RIN2: variants seen among roughly 807,000 people sequenced by gnomAD.
RIN2 encodes the protein Ras and Rab interactor 2.
A neutral mutation model predicts 78.0 loss-of-function variants in RIN2; 36 were observed. The ratio of observed to expected loss-of-function variants is 0.46; its 90% CI spans 0.35 to 0.61. The LOEUF is 0.61. RIN2 is among the 20% of genes least tolerant of loss of function. The pLI, the probability that RIN2 is intolerant of heterozygous loss-of-function variation, is 0.00. For synonymous variants in RIN2, 466 were observed against 466.8 expected (o/e 1.00, Z 0.02); for missense variants, 1,087 against 1,159.7 (o/e 0.94, Z 0.91).
chr20:19,806,217 A>G (rs1179336297), intron 2 of RIN2, among the ~76,000 whole-genome samples: 1 of 152,184 alleles, frequency 6.6e-6, no homozygotes, highest in Non-Finnish European at 1.5e-5. Flanking sequence ...ATGATTTCTA[A>G]TCCTTTGGGT....
intron 3 of RIN2, among the ~76,000 whole-genome samples, chr20:19,926,805 A>G (rs547340140): frequency 3.5e-4 from 53 of 152,354 alleles, no homozygotes; most frequent in African/African-American, 1.1e-3. Flanking sequence ...CACTGATAAC[A>G]TTCCTGAATG....
At chr20:19,976,627 T>G (rs187360692) in intron 9 of RIN2, among the ~76,000 whole-genome samples, 18 of 152,254 alleles carry the variant, frequency 1.2e-4, no homozygotes, top group Non-Finnish European at 2.4e-4. Context: ...TGTTGAAGGT[T>G]CTTTGTTTGT....
intron 1 of RIN2, among the ~76,000 whole-genome samples, chr20:19,761,737 A>C (rs575875506): frequency 6.6e-6 from 1 of 152,332 alleles, no homozygotes; most frequent in African/African-American, 2.4e-5. Flanking sequence ...CTGTGTATCC[A>C]ATTAACTCAA....
At chr20:19,994,333 A>G (rs943087843) in intron 11 of RIN2, among the ~76,000 whole-genome samples, 2 of 152,138 alleles carry the variant, frequency 1.3e-5, no homozygotes, top group Non-Finnish European at 2.9e-5. Flanking sequence ...AAAAATACAG[A>G]TTGGACTTTT....
chr20:19,823,979 A>C, intron 2 of RIN2: 1 of 1,307,562 alleles, frequency 7.6e-7, no homozygotes, highest in Non-Finnish European at 1.1e-6. Context: ...ACCCGGATTC[A>C]GGACGACCGA....
chr20:19,985,289 G>A (rs2042588003), intron 9 of RIN2, among the ~76,000 whole-genome samples: 1 of 152,156 alleles, frequency 6.6e-6, no homozygotes, highest in Non-Finnish European at 1.5e-5. Context: ...ATCAATTCTT[G>A]GAGAAGTAAT....
At chr20:19,933,035 T>C (rs543451402) in intron 3 of RIN2, among the ~76,000 whole-genome samples, 1 of 152,004 alleles carries the variant, frequency 6.6e-6, no homozygotes, top group East Asian at 1.9e-4. Context: ...GTTCCTAAAT[T>C]CCCCCGTTCT....
chr20:19,914,676 G>T (rs965989433), intron 3 of RIN2, among the ~76,000 whole-genome samples: 4 of 152,184 alleles, frequency 2.6e-5, no homozygotes, highest in African/African-American at 9.7e-5. Context: ...GTGGAACCTT[G>T]TTCACAGTGT....
intron 9 of RIN2, among the ~76,000 whole-genome samples, chr20:19,981,878 C>G (rs1205385519): frequency 6.6e-6 from 1 of 152,202 alleles, no homozygotes; most frequent in Non-Finnish European, 1.5e-5. Flanking sequence ...TGACAGGGTG[C>G]CCCACACCTG....
intron 3 of RIN2, among the ~76,000 whole-genome samples, chr20:19,902,357 G>T (rs1179089181): frequency 6.6e-6 from 1 of 152,152 alleles, no homozygotes; most frequent in Non-Finnish European, 1.5e-5. Flanking sequence ...TCCATGGAGT[G>T]CTCCCTGGGC....
At chr20:19,983,104 C>T (rs926933533) in intron 9 of RIN2, among the ~76,000 whole-genome samples, 1 of 152,170 alleles carries the variant, frequency 6.6e-6, no homozygotes, top group Admixed American at 6.5e-5. Flanking sequence ...GGATTATGCA[C>T]CCATTTTAGT....
intron 1 of RIN2, among the ~76,000 whole-genome samples, chr20:19,779,431 C>G: frequency 6.6e-6 from 1 of 152,216 alleles, no homozygotes; most frequent in East Asian, 1.9e-4. Flanking sequence ...CATCTCAACT[C>G]ATTCTTACAG....
intron 1 of RIN2, among the ~76,000 whole-genome samples, chr20:19,792,390 T>TTTAAA (rs2034916471): frequency 1.3e-5 from 2 of 152,156 alleles, no homozygotes; most frequent in African/African-American, 4.8e-5. Flanking sequence ...TCGTGAACAT[T>TTTAAA]TAAACAAGAG....
intron 2 of RIN2, among the ~76,000 whole-genome samples, chr20:19,866,812 A>C (rs1238020860): frequency 1.3e-5 from 2 of 151,898 alleles, no homozygotes; most frequent in Non-Finnish European, 2.9e-5. Flanking sequence ...TTTAGTAGAG[A>C]TGGGGTTTCA....
chr20:19,998,430 C>A (rs1568729436), intron 12 of RIN2, among the ~76,000 whole-genome samples: 2 of 152,006 alleles, frequency 1.3e-5, no homozygotes, highest in Non-Finnish European at 2.9e-5. Flanking sequence ...GACTCCATCT[C>A]GACAAAACAA....
chr20:19,919,104 G>C (rs2039803787), intron 3 of RIN2, among the ~76,000 whole-genome samples: 1 of 152,220 alleles, frequency 6.6e-6, no homozygotes, highest in Non-Finnish European at 1.5e-5. Context: ...TGGAGCAACT[G>C]TTTGCCATGT....
intron 2 of RIN2, among the ~76,000 whole-genome samples, chr20:19,847,354 A>G (rs903580406): frequency 6.6e-6 from 1 of 152,202 alleles, no homozygotes; most frequent in African/African-American, 2.4e-5. Flanking sequence ...CATCCCTGAG[A>G]TATGTTACTA....
chr20:19,776,420 C>T (rs1383793796), intron 1 of RIN2, among the ~76,000 whole-genome samples: 1 of 152,148 alleles, frequency 6.6e-6, no homozygotes, highest in East Asian at 1.9e-4. Context: ...ACTCTTGCAA[C>T]CAATTGCCAA....
Position 19,900,422 on chromosome 20 carries a change from G to A in RIN2, c.57+10764G>A, listed in dbSNP as rs769461906. On this transcript the variant is annotated intron_variant, in intron 3 of 12. Transcript: ENST00000255006. The stretch of plus-strand genomic sequence containing the variant: ...TGCTTGAACCCAGGAGGCAGAGGTT[G>A]CAGTGAGCTGAGATTGTGCCACTGC... Among the ~76,000 whole-genome samples the A allele has an allele frequency of 5.9e-4, 90 of 152,144 alleles. 1 individual carries two copies. The highest frequency in any genetic ancestry group is 4.6e-4 in the Admixed American group (7 of 15,288).
Sources: gnomAD v4.1 joint callset for allele counts (sites outside exome capture counted in the v4.1 genomes callset) on GRCh38, gnomAD v4.1.1 for gene constraint, MANE v1.5 for transcripts, NCBI Gene and HGNC (gene_info 2026-07-23, HGNC 2026-07-21) for gene names.